Variants in SLIT3 observed in about 807,000 individuals in gnomAD.
SLIT3 encodes the protein slit guidance ligand 3, also known as slit homolog 3 protein.
In SLIT3, 68 loss-of-function variants were observed where a neutral mutation model predicts 184.0. That is an observed-to-expected ratio of 0.37 (90% CI 0.30 to 0.45). SLIT3 has a LOEUF of 0.45. Ranked by LOEUF, SLIT3 falls within the 20% of genes least tolerant of loss-of-function variation. The probability of loss-of-function intolerance (pLI) is 1.00; values close to 1 mark genes in which losing one functional copy is unlikely to be tolerated. For missense variants in SLIT3, 1,707 were observed against 2,026.0 expected, an observed-to-expected ratio of 0.84 and a Z score of 3.02; for synonymous variants, 831 against 828.6, an observed-to-expected ratio of 1.00 and a Z score of -0.05.
intron 20 of SLIT3, among the ~76,000 whole-genome samples, chr5:168,746,434 G>GGTGGTGTGGGTGTGGCGGTGT (rs1554137595): frequency 0.16 from 10,324 of 63,094 alleles, 2,624 homozygotes; most frequent in African/African-American, 0.18. Context: ...GGTGGTGTGT[G>GGTGGTGTGGGTGTGGCGGTGT]GTGGTGTGGG....
At chr5:168,758,591 A>G (rs150980741) in intron 16 of SLIT3, among the ~76,000 whole-genome samples, 1 of 152,214 alleles carries the variant, frequency 6.6e-6, no homozygotes, top group Non-Finnish European at 1.5e-5. Context: ...TCCTCACCCA[A>G]GTGTGCCCTT....
chr5:168,686,060 T>G (rs1268959543), intron 30 of SLIT3, 133 bp from the exon 31 acceptor site: 1 of 1,039,600 alleles, frequency 9.6e-7, no homozygotes, highest in African/African-American at 1.6e-5. Context: ...TAGGGGCTAG[T>G]TCCAGCCCTG....
At chr5:169,299,091 C>T (rs1433912866) in intron 1 of SLIT3, among the ~76,000 whole-genome samples, 2 of 152,166 alleles carry the variant, frequency 1.3e-5, no homozygotes, top group Non-Finnish European at 2.9e-5. Flanking sequence ...CGTCAACTTG[C>T]TGTGTTTTCT....
At chr5:168,961,556 A>T (rs560182870) in intron 4 of SLIT3, among the ~76,000 whole-genome samples, 1 of 152,320 alleles carries the variant, frequency 6.6e-6, no homozygotes, top group African/African-American at 2.4e-5. Context: ...GTGTTATAGG[A>T]GTTTAGAGAA....
At position 168,748,344 on chromosome 5, in the gene SLIT3, A is replaced by AGCCCCTTGTTGCTGCATC; in HGVS notation, c.2210_2227dup (p.Arg737_Gly742dup). The AGCCCCTTGTTGCTGCATC allele has an allele frequency of 6.7e-7, 1 of 1,496,032 alleles. No homozygotes were observed. Among genetic ancestry groups the AGCCCCTTGTTGCTGCATC allele is most frequent in the Non-Finnish European group, 8.9e-7 (1 of 1,129,300 alleles). The allele number at this position is 1,496,032 out of a possible 1,614,324, so 92.7% of individuals were successfully genotyped here. A position where few individuals can be genotyped will look rare whatever the true frequency, so the allele number is the denominator to read the frequency against. ...GGGCATGCCTCTGGGGAGGGCGCGG[A>AGCCCCTTGTTGCTGCATC]GCCCCTTGTTGCTGCATCGCACCAC... On this transcript the variant is annotated inframe_insertion, in exon 20 of 36. Coordinates refer to ENST00000519560, the MANE Select transcript of SLIT3 (RefSeq NM_003062.4).
intron 4 of SLIT3, among the ~76,000 whole-genome samples, chr5:169,043,606 G>T (rs965798818): frequency 6.6e-6 from 1 of 152,210 alleles, no homozygotes; most frequent in Non-Finnish European, 1.5e-5. Context: ...AAGGGATCAC[G>T]AATTTTTGAG....
chr5:168,844,187 C>A (rs372177615), intron 6 of SLIT3, among the ~76,000 whole-genome samples: 1 of 152,128 alleles, frequency 6.6e-6, no homozygotes, highest in African/African-American at 2.4e-5. Flanking sequence ...GCCCCAACCC[C>A]GGCCCCTGTC....
chr5:168,843,913 G>A (rs1758355431), intron 6 of SLIT3, among the ~76,000 whole-genome samples: 2 of 152,096 alleles, frequency 1.3e-5, no homozygotes, highest in Admixed American at 1.3e-4. Context: ...ATTCTTTCTA[G>A]ACAAGGTGTA....
At chr5:168,678,725 C>G (rs947123196) in intron 32 of SLIT3, among the ~76,000 whole-genome samples, 4 of 151,840 alleles carry the variant, frequency 2.6e-5, no homozygotes, top group Admixed American at 2.0e-4. Flanking sequence ...TAAATCTTAG[C>G]CTTTGAAACA....
At chr5:168,673,106 T>C in intron 33 of SLIT3, 71 bp downstream of exon 33, 1 of 1,485,700 alleles carries the variant, frequency 6.7e-7, no homozygotes, top group Non-Finnish European at 9.3e-7. Context: ...GCTTTGGCAG[T>C]GGCCTGGGTT....
intron 1 of SLIT3, among the ~76,000 whole-genome samples, chr5:169,275,417 G>A (rs1019398012): frequency 3.3e-5 from 5 of 152,148 alleles, no homozygotes; most frequent in Non-Finnish European, 7.4e-5. Context: ...TCCAAACAAG[G>A]TTCACCTAGC....
chr5:169,288,393 G>A (rs1325502569), intron 1 of SLIT3, among the ~76,000 whole-genome samples: 1 of 151,492 alleles, frequency 6.6e-6, no homozygotes, highest in Admixed American at 6.6e-5. Flanking sequence ...TTTTTATGAT[G>A]TGGGAGGCTT....
intron 20 of SLIT3, among the ~76,000 whole-genome samples, chr5:168,736,856 G>A (rs532479646): frequency 6.6e-6 from 1 of 152,284 alleles, no homozygotes; most frequent in Non-Finnish European, 1.5e-5. Context: ...ACCTGGGCTT[G>A]AGTCTATAGT....
chr5:168,744,231 G>A (rs369556837), intron 20 of SLIT3, among the ~76,000 whole-genome samples: 5 of 152,220 alleles, frequency 3.3e-5, no homozygotes, highest in Admixed American at 2.0e-4. Flanking sequence ...GGAGCTTGCA[G>A]TGAGCCGAGA....
At chr5:169,187,073 C>T (rs868702281) in intron 4 of SLIT3, among the ~76,000 whole-genome samples, 2 of 149,088 alleles carry the variant, frequency 1.3e-5, no homozygotes, top group African/African-American at 2.5e-5. Context: ...AATAAGTCCT[C>T]CATCTGGCTG....
At position 168,669,778 on chromosome 5, in the gene SLIT3, C is replaced by A; in HGVS notation, c.4336+5G>T. The A allele has an allele frequency of 6.2e-7, 1 of 1,612,746 alleles. No homozygotes were observed. Among genetic ancestry groups the A allele is most frequent in the Non-Finnish European group, 8.5e-7 (1 of 1,179,712 alleles). On this transcript the variant is annotated splice_donor_5th_base_variant and intron_variant, in intron 35 of 35. Coordinates refer to ENST00000519560, the MANE Select transcript of SLIT3 (RefSeq NM_003062.4). Reference sequence around the variant, plus strand: ...TCCTCCCTCCCACAGGCACAGTAGACCCACCTTGTTGGCAGTGCTCGCCGC... The same window carrying A: ...TCCTCCCTCCCACAGGCACAGTAGAACCACCTTGTTGGCAGTGCTCGCCGC...
intron 4 of SLIT3, among the ~76,000 whole-genome samples, chr5:169,181,278 G>C (rs1255013411): frequency 2.0e-5 from 3 of 152,198 alleles, no homozygotes; most frequent in East Asian, 3.9e-4. Flanking sequence ...CCTATAGAGA[G>C]GTTTTGTGTG....
intron 16 of SLIT3, among the ~76,000 whole-genome samples, chr5:168,755,218 T>A (rs1348102563): frequency 6.6e-6 from 1 of 152,158 alleles, no homozygotes; most frequent in African/African-American, 2.4e-5. Context: ...CTGACAGAAC[T>A]GGGATTTGAA....
At chr5:168,828,663 A>AAAAAAAG (rs1370772243) in intron 6 of SLIT3, among the ~76,000 whole-genome samples, 2 of 150,460 alleles carry the variant, frequency 1.3e-5, no homozygotes, top group Admixed American at 6.6e-5. Context: ...TGACTCAAAA[A>AAAAAAAG]AAAAAAAGAA....
Sources: allele counts gnomAD v4.1 joint callset (sites outside exome capture counted in the v4.1 genomes callset), GRCh38; gene constraint gnomAD v4.1.1; transcripts MANE v1.5; gene names NCBI Gene and HGNC (gene_info 2026-07-23, HGNC 2026-07-21).